ADGRV1: variants seen among roughly 807,000 people sequenced by gnomAD.
The protein encoded by ADGRV1 is adhesion G protein-coupled receptor V1, also known as G-protein coupled receptor 98.
In ADGRV1, 359 loss-of-function variants were observed where a neutral mutation model predicts 596.2. The ratio of observed to expected loss-of-function variants is 0.60; its 90% CI spans 0.55 to 0.66. The LOEUF (loss-of-function observed/expected upper bound fraction) is 0.66, where lower values mean the gene tolerates loss of function less well. Ranked by LOEUF, ADGRV1 falls within the 30% of genes least tolerant of loss-of-function variation. The probability of loss-of-function intolerance (pLI) is 0.00; values close to 1 mark genes in which losing one functional copy is unlikely to be tolerated. For synonymous variants in ADGRV1, 2,681 were observed against 2,679.2 expected, an observed-to-expected ratio of 1.00 and a Z score of -0.02; for missense variants, 7,274 against 7,575.6, an observed-to-expected ratio of 0.96 and a Z score of 1.48.
At chr5:90,846,355 G>C (rs538291894) in intron 78 of ADGRV1, 4 of 152,508 alleles carry the variant, frequency 2.6e-5, no homozygotes, top group African/African-American at 7.2e-5. Context: ...CATAGAGAAA[G>C]TGATGACTTT....
rs375085167 is a variant in ADGRV1 at position 90,674,165 on chromosome 5, A to G, written c.5041A>G (p.Ser1681Gly). 2.7e-5 allele frequency: 44 copies of G among 1,612,288 alleles called. No individual in the cohort carries two copies. The highest frequency in any genetic ancestry group is 3.6e-5 in the Non-Finnish European group (42 of 1,179,098). Residue 1681 changes from serine (S) to glycine (G), a missense_variant, in exon 23 of 90, where the codon AGT becomes GGT. This residue lies in a region of ADGRV1 where 3,643 missense variants were observed against 3,809.2 expected (regional missense o/e 0.96). Coordinates refer to ENST00000405460, the MANE Select transcript of ADGRV1 (RefSeq NM_032119.4). ...TGGGAAGCTAGGCTCAACTCCTACC[A>G]GTGGTGCAAGCATAGATCCTGAAAA... The part of the protein sequence containing the change: ...GDGKLGSTPT[S>G]GASIDPEKET...
At chr5:90,566,517 A>G (rs1241364958) in intron 1 of ADGRV1, among the ~76,000 whole-genome samples, 3 of 152,102 alleles carry the variant, frequency 2.0e-5, no homozygotes, top group African/African-American at 7.2e-5. Context: ...GTTTTCTGCC[A>G]GTACCTCACA....
Position 91,112,159 on chromosome 5 carries a change from G to A in ADGRV1, c.18432+9819G>A, listed in dbSNP as rs183745554. Among the ~76,000 whole-genome samples, 208 of 152,256 alleles carry A rather than the reference G, an allele frequency of 1.4e-3. No individual in the cohort carries two copies. The Middle Eastern group carries it at 0.02, about 15-fold the overall frequency. On this transcript the variant is annotated intron_variant, in intron 87 of 89. Coordinates refer to ENST00000405460, the MANE Select transcript of ADGRV1 (RefSeq NM_032119.4). ...AGGATTTTCACTTTTGTTTCATCTGGATTCTCTAAATAAAAGTGTCAAGGT... is the reference window on the plus strand; with the variant it reads ...AGGATTTTCACTTTTGTTTCATCTGAATTCTCTAAATAAAAGTGTCAAGGT...
chr5:90,779,285 T>G (rs538852191), intron 64 of ADGRV1, 188 bp downstream of exon 64: 22 of 418,952 alleles, frequency 5.3e-5, no homozygotes, highest in African/African-American at 4.4e-4. Context: ...TTTTTAATTT[T>G]GTTAAATATA....
At chr5:90,879,958 C>CAATTAATAATTAATAATTAAT (rs1769596637) in intron 83 of ADGRV1, among the ~76,000 whole-genome samples, 1 of 151,806 alleles carries the variant, frequency 6.6e-6, no homozygotes, top group South Asian at 2.1e-4. Flanking sequence ...CTCAAAATAA[C>CAATTAATAATTAATAATTAAT]AATAATAATA....
At chr5:90,756,105 A>T (rs1358658324) in intron 55 of ADGRV1, among the ~76,000 whole-genome samples, 1 of 152,020 alleles carries the variant, frequency 6.6e-6, no homozygotes, top group Non-Finnish European at 1.5e-5. Context: ...TTAAAAATGT[A>T]TGTAGCATTT....
At chr5:90,811,578 C>G (rs920336226) in intron 74 of ADGRV1, among the ~76,000 whole-genome samples, 1 of 152,130 alleles carries the variant, frequency 6.6e-6, no homozygotes, top group Non-Finnish European at 1.5e-5. Context: ...GTAATACAAT[C>G]TATAAATCTA....
At chr5:90,728,994 G>T in intron 49 of ADGRV1, 61 bp downstream of exon 49, 8 of 1,136,388 alleles carry the variant, frequency 7.0e-6, no homozygotes, top group Admixed American at 2.6e-5. Flanking sequence ...GCATTCATAT[G>T]GTATATTTTA....
At chr5:90,986,365 A>G (rs1049858607) in intron 85 of ADGRV1, among the ~76,000 whole-genome samples, 1 of 152,022 alleles carries the variant, frequency 6.6e-6, no homozygotes, top group Non-Finnish European at 1.5e-5. Context: ...TAGCTAGTAG[A>G]CATGAAAAAT....
At chr5:90,679,895 A>G (rs1744712989) in intron 26 of ADGRV1, among the ~76,000 whole-genome samples, 1 of 152,122 alleles carries the variant, frequency 6.6e-6, no homozygotes, top group South Asian at 2.1e-4. Context: ...TAGTTTCCTG[A>G]TTCTAATTGT....
chr5:90,640,428 T>A (rs931243329), intron 11 of ADGRV1, among the ~76,000 whole-genome samples: 3 of 151,342 alleles, frequency 2.0e-5, no homozygotes, highest in Non-Finnish European at 2.9e-5. Context: ...AAGGTTTTTA[T>A]TTTTTTTTAA....
At position 90,653,586 on chromosome 5, in the gene ADGRV1, G is replaced by A; in HGVS notation, c.4012G>A (p.Gly1338Arg). The A allele has an allele frequency of 6.2e-7, 1 of 1,613,826 alleles. No homozygotes were observed. Among genetic ancestry groups the A allele is most frequent in the South Asian group, 1.1e-5 (1 of 91,064 alleles). ...CTTTACCGGACTAGAGGGTGCATTT[G>A]GGACTGTTAATCCAAAATACCATCC... Reference protein sequence around the residue: ...LYFTGLEGAFGTVNPKYHPSR... With the variant: ...LYFTGLEGAFRTVNPKYHPSR... The change falls in exon 20 of 90, where the codon GGG becomes AGG. Residue 1338 changes from glycine (G) to arginine (R), a missense_variant. Gly to Arg is a moderately radical substitution (Grantham distance 125). Transcript: ENST00000405460.
chr5:90,687,104 G>A (rs1349595304), intron 29 of ADGRV1, among the ~76,000 whole-genome samples: 1 of 152,086 alleles, frequency 6.6e-6, no homozygotes, highest in African/African-American at 2.4e-5. Flanking sequence ...GTAGATTCTG[G>A]ATATTAGCCC....
chr5:90,724,773 A>T, intron 45 of ADGRV1, 59 bp from the exon 46 acceptor site: 1 of 1,439,482 alleles, frequency 6.9e-7, no homozygotes, highest in Non-Finnish European at 9.7e-7. Flanking sequence ...ACAATAAATT[A>T]GAATAGATAA....
At chr5:90,994,645 A>G (rs1781265317) in intron 85 of ADGRV1, among the ~76,000 whole-genome samples, 1 of 152,146 alleles carries the variant, frequency 6.6e-6, no homozygotes. Flanking sequence ...TTTGTTGAAA[A>G]TTGGACATTC....
chr5:90,825,017 A>C (rs1763953758), intron 76 of ADGRV1, among the ~76,000 whole-genome samples: 1 of 151,832 alleles, frequency 6.6e-6, no homozygotes, highest in African/African-American at 2.4e-5. Flanking sequence ...GCTCACTGCA[A>C]CTTCCACCTC....
chr5:91,079,095 G>C (rs1422592721), intron 86 of ADGRV1, among the ~76,000 whole-genome samples: 4 of 152,184 alleles, frequency 2.6e-5, no homozygotes, highest in African/African-American at 9.7e-5. Context: ...CCCAGTAACA[G>C]TATGTACTTG....
At chr5:90,593,759 A>T (rs923430402) in intron 1 of ADGRV1, among the ~76,000 whole-genome samples, 3 of 152,166 alleles carry the variant, frequency 2.0e-5, no homozygotes, top group African/African-American at 7.2e-5. Flanking sequence ...TGTAGTATTC[A>T]AAGAAAAAAA....
In ADGRV1 at chr5:90,720,945, A is replaced by G. The variant is rs184668159; in HGVS notation, c.9634A>G (p.Ile3212Val). Residue 3212 changes from isoleucine to valine, a missense_variant, in exon 45 of 90, where the codon ATA (isoleucine) becomes GTA (valine). Coordinates refer to ENST00000405460, the MANE Select transcript of ADGRV1 (RefSeq NM_032119.4). ...ATGTATTTCTTTCAGAGCCACCTCC[A>G]TAGACATCGAAGAAGCCAATAGGAC... is the stretch of plus-strand genomic sequence containing the variant. The part of the protein sequence containing the change: ...ISAVENRATS[I>V]DIEEANRTVY... 37 of 1,610,596 alleles carry G rather than the reference A, an allele frequency of 2.3e-5. No homozygotes were observed. Among genetic ancestry groups the G allele is most frequent in the Non-Finnish European group, 3.0e-5 (35 of 1,177,858 alleles).
Sources: allele counts gnomAD v4.1 joint callset (sites outside exome capture counted in the v4.1 genomes callset), GRCh38; gene constraint gnomAD v4.1.1; regional missense constraint gnomAD v4.1.1; transcripts MANE v1.5; gene names NCBI Gene and HGNC (gene_info 2026-07-23, HGNC 2026-07-21).